Variants in GRID2 observed in about 807,000 individuals in gnomAD.
GRID2 encodes glutamate ionotropic receptor delta type subunit 2, also known as glutamate receptor ionotropic, delta-2.
A neutral mutation model predicts 114.8 loss-of-function variants in GRID2; 33 were observed. That is an observed-to-expected ratio of 0.29 (90% CI 0.22 to 0.38). GRID2 has a LOEUF of 0.38. Ranked by LOEUF, GRID2 falls within the 10% of genes least tolerant of loss-of-function variation. The pLI is 1.00. For missense variants in GRID2, 1,184 were observed against 1,257.7 expected (o/e 0.94, Z 0.89); for synonymous variants, 505 against 449.9 (o/e 1.12, Z -1.55).
intron 1 of GRID2, among the ~76,000 whole-genome samples, chr4:93,804,359 T>C (rs560084011): frequency 2.6e-5 from 4 of 152,156 alleles, no homozygotes; most frequent in African/African-American, 9.7e-5. Context: ...TAAACCTAGA[T>C]GGTTTAGCCT....
chr4:92,944,691 T>A (rs1370864512), intron 2 of GRID2, among the ~76,000 whole-genome samples: 1 of 152,212 alleles, frequency 6.6e-6, no homozygotes, highest in Non-Finnish European at 1.5e-5. Flanking sequence ...TATTTGGCCA[T>A]CTTCAATATT....
chr4:92,595,756 G>T (rs1484767624), intron 2 of GRID2, among the ~76,000 whole-genome samples: 1 of 152,018 alleles, frequency 6.6e-6, no homozygotes, highest in Non-Finnish European at 1.5e-5. Context: ...TAAATGGGAT[G>T]ACAGGAAATT....
intron 2 of GRID2, among the ~76,000 whole-genome samples, chr4:92,599,028 C>CTTTTTTTTTTTTTTTTTTT (rs79836874): frequency 1.7e-5 from 2 of 115,284 alleles, no homozygotes; most frequent in African/African-American, 3.4e-5. Context: ...AATGCTTTTC[C>CTTTTTTTTTTTTTTTTTTT]TTTTTTTTTT....
At chr4:93,354,379 A>T (rs1236010632) in intron 8 of GRID2, among the ~76,000 whole-genome samples, 2 of 152,070 alleles carry the variant, frequency 1.3e-5, no homozygotes, top group Non-Finnish European at 2.9e-5. Context: ...AGATTATGTC[A>T]CAGAAGCTAA....
At chr4:93,162,102 T>C (rs930231753) in intron 4 of GRID2, among the ~76,000 whole-genome samples, 11 of 151,948 alleles carry the variant, frequency 7.2e-5, no homozygotes, top group African/African-American at 2.6e-4. Flanking sequence ...GTTAGGACTG[T>C]CATAGTGGAA....
At chr4:92,707,150 A>G (rs1369357532) in intron 2 of GRID2, among the ~76,000 whole-genome samples, 1 of 152,180 alleles carries the variant, frequency 6.6e-6, no homozygotes, top group Non-Finnish European at 1.5e-5. Context: ...TGAATCTCAA[A>G]TAGTAAAAGG....
intron 8 of GRID2, among the ~76,000 whole-genome samples, chr4:93,361,664 A>G (rs890040841): frequency 1.3e-5 from 2 of 151,894 alleles, no homozygotes; most frequent in Non-Finnish European, 2.9e-5. Flanking sequence ...ATCTGCATCT[A>G]GTTCAGTGAT....
chr4:92,732,982 A>G (rs1254246042), intron 2 of GRID2, among the ~76,000 whole-genome samples: 1 of 152,096 alleles, frequency 6.6e-6, no homozygotes, highest in East Asian at 1.9e-4. Flanking sequence ...ATGATTAATT[A>G]TATGTATGAG....
At chr4:93,636,674 A>G (rs1171148757) in intron 14 of GRID2, among the ~76,000 whole-genome samples, 1 of 152,200 alleles carries the variant, frequency 6.6e-6, no homozygotes, top group Non-Finnish European at 1.5e-5. Flanking sequence ...AGGTCCTTAA[A>G]ATATTGTAAA....
intron 1 of GRID2, among the ~76,000 whole-genome samples, chr4:92,432,885 C>T (rs28868011): frequency 0.36 from 54,394 of 151,516 alleles, 10,776 homozygotes; most frequent in African/African-American, 0.54. Context: ...TACTAGGTCT[C>T]CCCCAAGGCC....
chr4:92,344,688 C>T (rs1281568014), intron 1 of GRID2, among the ~76,000 whole-genome samples: 1 of 152,114 alleles, frequency 6.6e-6, no homozygotes, highest in African/African-American at 2.4e-5. Context: ...AGGGATGGGG[C>T]TAGAATACCT....
chr4:93,058,130 C>T (rs1477613273), intron 2 of GRID2, among the ~76,000 whole-genome samples: 1 of 151,910 alleles, frequency 6.6e-6, no homozygotes, highest in Non-Finnish European at 1.5e-5. Flanking sequence ...TTACTTAAAA[C>T]CCTGTGTGGA....
intron 1 of GRID2, among the ~76,000 whole-genome samples, chr4:92,317,994 T>A (rs1437900992): frequency 6.6e-6 from 1 of 152,140 alleles, no homozygotes; most frequent in African/African-American, 2.4e-5. Flanking sequence ...ATGTATAAAC[T>A]GGGTTGTATT....
chr4:92,788,516 T>G (rs1224862046), intron 2 of GRID2, among the ~76,000 whole-genome samples: 1 of 151,934 alleles, frequency 6.6e-6, no homozygotes, highest in Non-Finnish European at 1.5e-5. Flanking sequence ...ATGCAAGAAT[T>G]TTTTATTCAA....
intron 1 of GRID2, among the ~76,000 whole-genome samples, chr4:92,405,398 G>A (rs997589792): frequency 1.3e-5 from 2 of 151,800 alleles, no homozygotes; most frequent in African/African-American, 4.8e-5. Context: ...CTATTAGCGG[G>A]GACAGACGCT....
chr4:92,642,118 T>C (rs1600319), intron 2 of GRID2, among the ~76,000 whole-genome samples: 43,047 of 151,472 alleles, frequency 0.28, 6,173 homozygotes, highest in South Asian at 0.32. Flanking sequence ...TGGGTGCATG[T>C]ATCTTTTTGT....
chr4:92,990,012 A>G (rs17020053), intron 2 of GRID2, among the ~76,000 whole-genome samples: 3,942 of 152,240 alleles, frequency 0.026, 98 homozygotes, highest in African/African-American at 0.058. Flanking sequence ...TAAAAAAGAG[A>G]GCATAGCACT....
chr4:92,616,943 G>C (rs1730030619), intron 2 of GRID2, among the ~76,000 whole-genome samples: 1 of 151,108 alleles, frequency 6.6e-6, no homozygotes, highest in South Asian at 2.1e-4. Flanking sequence ...ATATTTATGG[G>C]GTACCTAGTA....
At chr4:93,064,751 T>C (rs1728122279) in intron 2 of GRID2, among the ~76,000 whole-genome samples, 2 of 151,934 alleles carry the variant, frequency 1.3e-5, no homozygotes, top group Non-Finnish European at 2.9e-5. Context: ...TCCAATAATT[T>C]TCTACTGCAT....
Sources: allele counts gnomAD v4.1 joint callset (sites outside exome capture counted in the v4.1 genomes callset), GRCh38; gene constraint gnomAD v4.1.1; transcripts MANE v1.5; gene names NCBI Gene and HGNC (gene_info 2026-07-23, HGNC 2026-07-21).